GABRG3: variants seen among roughly 807,000 people sequenced by gnomAD.
The protein encoded by GABRG3 is gamma-aminobutyric acid receptor subunit gamma-3.
In GABRG3, 25 loss-of-function variants were observed where a neutral mutation model predicts 48.8. The ratio of observed to expected loss-of-function variants is 0.51; its 90% CI spans 0.37 to 0.72. The LOEUF (loss-of-function observed/expected upper bound fraction) is 0.72, where lower values mean the gene tolerates loss of function less well. GABRG3 is among the 30% of genes least tolerant of loss of function. GABRG3 has a pLI of 0.00. For synonymous variants in GABRG3, 227 were observed against 217.6 expected (o/e 1.04, Z -0.38); for missense variants, 394 against 577.9 (o/e 0.68, Z 3.26).
chr15:26,995,722 C>G (rs933722104), intron 2 of GABRG3, among the ~76,000 whole-genome samples: 7 of 152,040 alleles, frequency 4.6e-5, no homozygotes, highest in Non-Finnish European at 1.0e-4. Flanking sequence ...ATTATACAAA[C>G]TTAATTCCAA....
intron 2 of GABRG3, among the ~76,000 whole-genome samples, chr15:27,021,429 C>T (rs1256678357): frequency 6.6e-6 from 1 of 152,030 alleles, no homozygotes; most frequent in African/African-American, 2.4e-5. Context: ...GTGCCCATGA[C>T]CTAAAAGTAG....
chr15:27,020,804 A>G (rs145863569), intron 2 of GABRG3, among the ~76,000 whole-genome samples: 378 of 152,086 alleles, frequency 2.5e-3, no homozygotes, highest in Middle Eastern at 0.01. Context: ...TTTCCTCTCC[A>G]TGGAGGTGAT....
chr15:26,994,352 T>A (rs1469382234), intron 2 of GABRG3, among the ~76,000 whole-genome samples: 1 of 152,014 alleles, frequency 6.6e-6, no homozygotes, highest in Non-Finnish European at 1.5e-5. Context: ...ATTCTTTGTG[T>A]ATACGTTTTA....
chr15:27,200,746 G>A (rs895653356), intron 3 of GABRG3, among the ~76,000 whole-genome samples: 1 of 152,192 alleles, frequency 6.6e-6, no homozygotes, highest in Non-Finnish European at 1.5e-5. Context: ...GTATGGTGAT[G>A]TCTCAATAAC....
intron 3 of GABRG3, among the ~76,000 whole-genome samples, chr15:27,181,767 A>G (rs1887939532): frequency 6.6e-6 from 1 of 152,174 alleles, no homozygotes; most frequent in South Asian, 2.1e-4. Context: ...CCCAACGCTC[A>G]GAAGTGAGGA....
chr15:27,229,752 C>G (rs373227167), intron 3 of GABRG3, among the ~76,000 whole-genome samples: 1 of 152,146 alleles, frequency 6.6e-6, no homozygotes, highest in Non-Finnish European at 1.5e-5. Flanking sequence ...GCTGGGATTA[C>G]AGGTCTGAGC....
intron 3 of GABRG3, among the ~76,000 whole-genome samples, chr15:27,255,253 C>T (rs536983908): frequency 2.0e-5 from 3 of 152,304 alleles, no homozygotes; most frequent in South Asian, 4.2e-4. Flanking sequence ...GCCTCTTACC[C>T]CCTGGGCTGG....
intron 5 of GABRG3, among the ~76,000 whole-genome samples, chr15:27,378,368 C>T (rs867050326): frequency 2.0e-5 from 3 of 152,178 alleles, no homozygotes; most frequent in African/African-American, 7.2e-5. Context: ...TATGGAGTGG[C>T]TGGGCCTTGA....
At chr15:27,476,773 A>C (rs1889952505) in intron 5 of GABRG3, among the ~76,000 whole-genome samples, 1 of 152,238 alleles carries the variant, frequency 6.6e-6, no homozygotes, top group Non-Finnish European at 1.5e-5. Flanking sequence ...TACTTGAAAA[A>C]ATAGTGGCCA....
Position 27,033,147 on chromosome 15 carries a change from C to T in GABRG3, c.270+6326C>T, listed in dbSNP as rs1475320165. 3.3e-5 allele frequency among the ~76,000 whole-genome samples: 5 copies of T among 152,034 alleles called. No homozygotes were observed. The East Asian group carries it at 7.8e-4, about 24-fold the overall frequency. ...ATTGTGGCCCCTCCTTTTTTGACTT[C>T]TTGGCCAGTTTTTCCCTCAAGCTCT... On this transcript the variant is annotated intron_variant, in intron 3 of 9. Transcript: ENST00000615808.
intron 2 of GABRG3, among the ~76,000 whole-genome samples, chr15:26,986,876 A>G (rs1204211332): frequency 1.3e-5 from 2 of 152,210 alleles, no homozygotes; most frequent in Non-Finnish European, 2.9e-5. Flanking sequence ...CTGGACTCAC[A>G]TAATGAGTTA....
chr15:27,458,159 A>C (rs1442543574), intron 5 of GABRG3, among the ~76,000 whole-genome samples: 1 of 152,090 alleles, frequency 6.6e-6, no homozygotes, highest in Non-Finnish European at 1.5e-5. Context: ...TCCAGGCCGC[A>C]TCTTCACCGA....
In GABRG3 at chr15:27,537,792, ACTTT is replaced by A. The variant is rs1891580913; in HGVS notation, c.*4916_*4919del. 1 of 150,840 alleles carries A rather than the reference ACTTT, an allele frequency of 6.6e-6. No homozygotes were observed. The highest frequency in any genetic ancestry group is 2.1e-4 in the South Asian group (1 of 4,810). 9.3% of individuals were successfully genotyped at this position (150,840 alleles called of 1,614,324 possible). On this transcript the variant is annotated 3_prime_UTR_variant, in exon 10 of 10. Transcript: ENST00000615808. ...TAGTTGTATTAAGGCCAAAAGGCAG[ACTTT>A]CTTTATATTTATTTTTATTATTTAT...
rs1205862444 is a variant in GABRG3, at chr15:27,306,108, CAT to C, written c.271-20695_271-20694del. Among the ~76,000 whole-genome samples the C allele has an allele frequency of 1.4e-3, 145 of 106,304 alleles. 1 individual carries two copies. Among genetic ancestry groups the C allele is most frequent in the African/African-American group, 4.1e-3 (111 of 27,082 alleles). 69.7% of individuals were successfully genotyped at this position (106,304 alleles called of 152,430 possible). On this transcript the variant is annotated intron_variant, in intron 3 of 9. Transcript: ENST00000615808. ...ATAAACCTATATGTTTATATATAAA[CAT>C]ATATAATATAAACCTATATGTTTAT...
chr15:26,975,809 C>T lies in GABRG3; in HGVS notation c.54-1193C>T, dbSNP rs1229072177. Among the ~76,000 whole-genome samples the T allele has an allele frequency of 6.6e-6, 1 of 152,186 alleles. No homozygotes were observed. The highest frequency in any genetic ancestry group is 2.4e-5 in the African/African-American group (1 of 41,452). ...AGCTAAACAGAAAAGAGTTCATATA[C>T]AGTCAGGACAAATCCGCTTCCGTGC... is the stretch of plus-strand genomic sequence containing the variant. On this transcript the variant is annotated intron_variant, in intron 1 of 9. Coordinates refer to ENST00000615808, the MANE Select transcript of GABRG3 (RefSeq NM_033223.5). This position sits in a 1 kb window ranked among gnomAD's most constrained non-coding sequence, Gnocchi z 4.6.
At chr15:27,381,977 G>T (rs1895790821) in intron 5 of GABRG3, among the ~76,000 whole-genome samples, 1 of 152,200 alleles carries the variant, frequency 6.6e-6, no homozygotes, top group Non-Finnish European at 1.5e-5. Context: ...AGAGTAGCAT[G>T]AGGAACTTGT....
chr15:27,251,966 C>CT (rs1400194373), intron 3 of GABRG3, among the ~76,000 whole-genome samples: 2 of 152,204 alleles, frequency 1.3e-5, no homozygotes, highest in African/African-American at 4.8e-5. Flanking sequence ...CCTGCGGGGA[C>CT]TTACCTGCTG....
intron 2 of GABRG3, among the ~76,000 whole-genome samples, chr15:27,021,767 C>T (rs1278632048): frequency 6.6e-6 from 1 of 152,168 alleles, no homozygotes; most frequent in Non-Finnish European, 1.5e-5. Flanking sequence ...TGCCTAAGCC[C>T]AGGAGGTCCA....
chr15:27,304,640 TCTC>T (rs953395829), intron 3 of GABRG3, among the ~76,000 whole-genome samples: 15 of 152,002 alleles, frequency 9.9e-5, no homozygotes, highest in African/African-American at 3.6e-4. Context: ...CATTGTAAAA[TCTC>T]CTTCTCTGCC....
Sources: allele counts gnomAD v4.1 joint callset (sites outside exome capture counted in the v4.1 genomes callset), GRCh38; gene constraint gnomAD v4.1.1; non-coding constraint Gnocchi (gnomAD v3.1); transcripts MANE v1.5; gene names NCBI Gene and HGNC (gene_info 2026-07-23, HGNC 2026-07-21).